The following TENM2 variants were observed in gnomAD, a reference collection of about 807,000 sequenced individuals.
The protein encoded by TENM2 is teneurin-2.
TENM2 carries 52 observed loss-of-function variants against 245.2 expected under a neutral mutation model. That is an observed-to-expected ratio of 0.21 (90% CI 0.17 to 0.27). TENM2 has a LOEUF of 0.27. Among genes scored for constraint, TENM2 ranks in the 10% least tolerant of loss-of-function variants. The probability of loss-of-function intolerance (pLI) is 1.00; values close to 1 mark genes in which losing one functional copy is unlikely to be tolerated. For synonymous variants in TENM2, 1,363 were observed against 1,438.9 expected, an observed-to-expected ratio of 0.95 and a Z score of 1.19; for missense variants, 3,046 against 3,666.8, an observed-to-expected ratio of 0.83 and a Z score of 4.37.
chr5:167,643,826 G>T (rs1779758801), intron 2 of TENM2, among the ~76,000 whole-genome samples: 1 of 152,196 alleles, frequency 6.6e-6, no homozygotes. Flanking sequence ...TTTGGAGGGT[G>T]CTATGATGCA....
intron 2 of TENM2, among the ~76,000 whole-genome samples, chr5:167,709,168 C>T (rs1403469031): frequency 1.3e-5 from 2 of 152,186 alleles, no homozygotes; most frequent in Non-Finnish European, 2.9e-5. Flanking sequence ...TCTGCAGCTG[C>T]GTGCATCCTC....
At chr5:167,754,084 G>A (rs1239377277) in intron 2 of TENM2, among the ~76,000 whole-genome samples, 3 of 152,054 alleles carry the variant, frequency 2.0e-5, no homozygotes, top group Non-Finnish European at 2.9e-5. Flanking sequence ...TTAAAAAAAA[G>A]AAAATTACAA....
In TENM2 at chr5:168,112,614, G is replaced by GGGGC. The variant is rs149417434; in HGVS notation, c.1814-5676_1814-5675insGCGG. Among the ~76,000 whole-genome samples, 4 of 121,136 alleles carry GGGGC rather than the reference G, an allele frequency of 3.3e-5. No individual in the cohort carries two copies. The East Asian group carries it at 7.6e-4, about 23-fold the overall frequency. The allele number at this position is 121,136 out of a possible 152,430, so 79.5% of individuals were successfully genotyped here. A position where few individuals can be genotyped will look rare whatever the true frequency, so the allele number is the denominator to read the frequency against. On this transcript the variant is annotated intron_variant, in intron 9 of 28. Transcript: ENST00000518659. ...ATACAGTGTGCAGTGGGCGGGGGGG[G>GGGGC]GGTCAAACTTTATTACTTTTCTACC...
At chr5:167,187,818 TAA>T in the TENM2 span, among the ~76,000 whole-genome samples, 1 of 152,072 alleles carries the variant, frequency 6.6e-6, no homozygotes, top group Non-Finnish European at 1.5e-5. Flanking sequence ...CTTCCCATTA[TAA>T]AGAGGGAAAA....
intron 2 of TENM2, among the ~76,000 whole-genome samples, chr5:167,775,927 G>A (rs1763733344): frequency 6.6e-6 from 1 of 152,048 alleles, no homozygotes; most frequent in Non-Finnish European, 1.5e-5. Context: ...TGTTTATTGA[G>A]TAAATAAATA....
At chr5:167,731,631 T>C (rs1260847674) in intron 2 of TENM2, among the ~76,000 whole-genome samples, 2 of 151,564 alleles carry the variant, frequency 1.3e-5, no homozygotes, top group African/African-American at 4.9e-5. Flanking sequence ...CATCCTAGAG[T>C]GTGTTTGGTC....
At chr5:167,944,839 A>G (rs1271399954) in intron 3 of TENM2, among the ~76,000 whole-genome samples, 1 of 152,228 alleles carries the variant, frequency 6.6e-6, no homozygotes, top group African/African-American at 2.4e-5. Context: ...ATATCTCAGT[A>G]AAACTGTTAT....
the TENM2 span, among the ~76,000 whole-genome samples, chr5:167,273,818 A>G: frequency 2.0e-5 from 3 of 152,148 alleles, no homozygotes; most frequent in Non-Finnish European, 4.4e-5. Flanking sequence ...TTGTGTACCT[A>G]GTTTAAAATT....
At chr5:168,075,701 C>T (rs2152145505) in intron 7 of TENM2, among the ~76,000 whole-genome samples, 1 of 152,284 alleles carries the variant, frequency 6.6e-6, no homozygotes, top group Middle Eastern at 3.4e-3. Flanking sequence ...CTGTATTAGT[C>T]TGTTCTCATG....
chr5:167,284,947 A>G (rs1302472018), exon 1 of TENM2: 1 of 1,551,752 alleles, frequency 6.4e-7, no homozygotes, highest in African/African-American at 1.4e-5. Flanking sequence ...GTGCCCACAC[A>G]GAAATCCTAC....
At chr5:168,157,877 C>T (rs547072926) in intron 12 of TENM2, among the ~76,000 whole-genome samples, 1 of 152,108 alleles carries the variant, frequency 6.6e-6, no homozygotes, top group African/African-American at 2.4e-5. Context: ...GATTTAGGGG[C>T]CATCAGAATA....
At chr5:167,739,968 G>A (rs1761061009) in intron 2 of TENM2, among the ~76,000 whole-genome samples, 1 of 152,102 alleles carries the variant, frequency 6.6e-6, no homozygotes, top group African/African-American at 2.4e-5. Flanking sequence ...TTCTGTGTAA[G>A]AACTTGCTAC....
chr5:167,185,681 T>C, the TENM2 span, among the ~76,000 whole-genome samples: 1 of 152,014 alleles, frequency 6.6e-6, no homozygotes. Context: ...GGTAGACTAG[T>C]GATGTCATTT....
chr5:167,010,757 G>T, the TENM2 span, among the ~76,000 whole-genome samples: 65 of 152,088 alleles, frequency 4.3e-4, no homozygotes, highest in East Asian at 0.01. Flanking sequence ...ATTTTTTGTT[G>T]TTTTTGTGGC....
At chr5:167,905,286 A>AG (rs2151540168) in intron 3 of TENM2, among the ~76,000 whole-genome samples, 1 of 152,294 alleles carries the variant, frequency 6.6e-6, no homozygotes, top group Non-Finnish European at 1.5e-5. Flanking sequence ...GGCTGGGAAA[A>AG]GGGGGAAATA....
chr5:167,603,777 A>C (rs1041140004), intron 2 of TENM2, among the ~76,000 whole-genome samples: 3 of 152,224 alleles, frequency 2.0e-5, no homozygotes, highest in African/African-American at 7.2e-5. Context: ...GAAGTTGAGG[A>C]GACAGGAAGT....
chr5:167,655,256 A>C (rs1754766118), intron 2 of TENM2, among the ~76,000 whole-genome samples: 2 of 152,174 alleles, frequency 1.3e-5, no homozygotes, highest in African/African-American at 2.4e-5. Flanking sequence ...GGTAGCAGGA[A>C]TATATGTTGA....
chr5:167,533,626 T>C (rs2127595613), intron 2 of TENM2, among the ~76,000 whole-genome samples: 1 of 150,608 alleles, frequency 6.6e-6, no homozygotes, highest in South Asian at 2.1e-4. Context: ...TTGGCTAACT[T>C]TTTTTTTATT....
the TENM2 span, among the ~76,000 whole-genome samples, chr5:167,190,425 G>A: frequency 2.0e-5 from 3 of 152,150 alleles, no homozygotes; most frequent in African/African-American, 4.8e-5. Flanking sequence ...TAGCAAAGGT[G>A]TAGTGAGAGA....
Sources: gnomAD v4.1 joint callset for allele counts (sites outside exome capture counted in the v4.1 genomes callset) on GRCh38, gnomAD v4.1.1 for gene constraint, MANE v1.5 for transcripts, NCBI Gene and HGNC (gene_info 2026-07-23, HGNC 2026-07-21) for gene names.